The following CAST variants were observed in gnomAD, a reference collection of about 807,000 sequenced individuals.
The protein encoded by CAST is MIR583 host.
A neutral mutation model predicts 119.6 loss-of-function variants in CAST; 76 were observed. The observed-to-expected ratio is 0.64, with a 90% CI of 0.53 to 0.77. The LOEUF (loss-of-function observed/expected upper bound fraction) is 0.77, where lower values mean the gene tolerates loss of function less well. CAST is among the 30% of genes least tolerant of loss of function. CAST has a pLI of 0.00. For missense variants in CAST, 953 were observed against 946.5 expected, an observed-to-expected ratio of 1.01 and a Z score of -0.09; for synonymous variants, 319 against 331.6, an observed-to-expected ratio of 0.96 and a Z score of 0.41.
chr5:96,740,192 A>G (rs1762399245), intron 12 of CAST, 74 bp downstream of exon 12: 2 of 720,220 alleles, frequency 2.8e-6, no homozygotes, highest in South Asian at 1.8e-5. Context: ...ATATTTTTAC[A>G]GTGTTTAGAA....
the CAST span, among the ~76,000 whole-genome samples, chr5:96,221,517 C>CA: frequency 6.6e-6 from 1 of 151,628 alleles, no homozygotes; most frequent in East Asian, 1.9e-4. Context: ...CAACAGCTGA[C>CA]AAAAAATAAA....
intron 1 of CAST, 83 bp from the exon 2 acceptor site, chr5:96,675,456 T>C: frequency 2.2e-6 from 2 of 916,102 alleles, no homozygotes; most frequent in Admixed American, 1.9e-5. Context: ...TAAAAAAGGG[T>C]ATGCATTTAG....
intron 3 of CAST, among the ~76,000 whole-genome samples, chr5:96,721,754 T>C (rs1758301166): frequency 6.6e-6 from 1 of 152,200 alleles, no homozygotes; most frequent in African/African-American, 2.4e-5. Flanking sequence ...ACCAGTGTAA[T>C]ACAAGTTAAG....
At chr5:96,147,706 A>G in the CAST span, among the ~76,000 whole-genome samples, 1 of 152,248 alleles carries the variant, frequency 6.6e-6, no homozygotes, top group Admixed American at 6.5e-5. Context: ...GTTCTATTGA[A>G]GACTGATTAA....
At chr5:96,227,855 G>A in the CAST span, among the ~76,000 whole-genome samples, 5 of 152,134 alleles carry the variant, frequency 3.3e-5, no homozygotes, top group Admixed American at 3.3e-4. Context: ...TATCAGACAA[G>A]GGGTGGCAAC....
At chr5:96,151,922 C>T in the CAST span, among the ~76,000 whole-genome samples, 1 of 152,150 alleles carries the variant, frequency 6.6e-6, no homozygotes, top group Non-Finnish European at 1.5e-5. Flanking sequence ...CTCCCAGTAA[C>T]CCCAGAGAAC....
intron 3 of CAST, among the ~76,000 whole-genome samples, chr5:96,706,245 G>A (rs960163833): frequency 4.3e-4 from 66 of 152,194 alleles, no homozygotes; most frequent in African/African-American, 1.6e-3. Context: ...ATATCTCTTT[G>A]TGCTTTGGCT....
At chr5:96,330,856 G>A in the CAST span, among the ~76,000 whole-genome samples, 1 of 152,146 alleles carries the variant, frequency 6.6e-6, no homozygotes, top group South Asian at 2.1e-4. Context: ...GGACCCTGGA[G>A]TGACTTCGGG....
At chr5:96,532,591 T>A (rs1424757095) in intron 1 of CAST, among the ~76,000 whole-genome samples, 1 of 152,186 alleles carries the variant, frequency 6.6e-6, no homozygotes, top group African/African-American at 2.4e-5. Context: ...GGCCCACACC[T>A]GGAATCTCAG....
the CAST span, among the ~76,000 whole-genome samples, chr5:96,481,299 G>A: frequency 1.3e-5 from 2 of 152,058 alleles, no homozygotes; most frequent in Admixed American, 6.6e-5. Flanking sequence ...CCATGTCACA[G>A]GTAGCTCTTG....
At chr5:96,047,397 T>C in the CAST span, among the ~76,000 whole-genome samples, 1 of 152,210 alleles carries the variant, frequency 6.6e-6, no homozygotes, top group Non-Finnish European at 1.5e-5. Flanking sequence ...GTGTTTGTTT[T>C]TAAACAAAGT....
the CAST span, among the ~76,000 whole-genome samples, chr5:96,057,252 G>C: frequency 4.6e-5 from 7 of 152,176 alleles, no homozygotes; most frequent in Admixed American, 1.3e-4. Context: ...CTTAAAATAT[G>C]TTAGGAGGCA....
intron 1 of CAST, among the ~76,000 whole-genome samples, chr5:96,668,319 T>C (rs1432067680): frequency 6.6e-6 from 1 of 152,244 alleles, no homozygotes; most frequent in African/African-American, 2.4e-5. Flanking sequence ...GAATAATATA[T>C]AATACACAGT....
chr5:96,562,605 AT>A (rs1746401482), intron 1 of CAST, among the ~76,000 whole-genome samples: 2 of 152,172 alleles, frequency 1.3e-5, no homozygotes, highest in Non-Finnish European at 2.9e-5. Flanking sequence ...TACACACACT[AT>A]TTTACTCAGC....
At chr5:96,603,138 G>A (rs553915143) in intron 1 of CAST, among the ~76,000 whole-genome samples, 37 of 152,328 alleles carry the variant, frequency 2.4e-4, no homozygotes, top group Non-Finnish European at 2.8e-4. Flanking sequence ...CTTTTGGTTT[G>A]TCAACCTAAA....
the CAST span, among the ~76,000 whole-genome samples, chr5:96,358,394 G>C: frequency 1.3e-5 from 2 of 151,956 alleles, no homozygotes; most frequent in African/African-American, 4.8e-5. Flanking sequence ...GCTGGTTCTT[G>C]CTCCTTTAGT....
chr5:96,211,197 T>C, the CAST span, among the ~76,000 whole-genome samples: 1 of 151,974 alleles, frequency 6.6e-6, no homozygotes, highest in Non-Finnish European at 1.5e-5. Flanking sequence ...CTTCCAGTAA[T>C]ATGGGTGAGT....
chr5:95,994,879 C>G, the CAST span, among the ~76,000 whole-genome samples: 1 of 152,024 alleles, frequency 6.6e-6, no homozygotes, highest in Non-Finnish European at 1.5e-5. Flanking sequence ...CACATTTTAA[C>G]AAGCAGAAAG....
rs897811622 is a variant in CAST at position 96,670,508 on chromosome 5, C to CT, written c.76-5023dup. Among the ~76,000 whole-genome samples, 43 of 150,600 alleles carry CT rather than the reference C, an allele frequency of 2.9e-4. 1 individual carries two copies. Among genetic ancestry groups the CT allele is most frequent in the African/African-American group, 9.8e-5 (4 of 40,928 alleles). On this transcript the variant is annotated intron_variant, in intron 1 of 31. Transcript: ENST00000675179. ...GAAGAAGTTTCTTTGATTTTTTTTT[C>CT]TTTTTTTTGTGATGGAGTTTTGCTC... is the stretch of plus-strand genomic sequence containing the variant.
Sources: gnomAD v4.1 joint callset for allele counts (sites outside exome capture counted in the v4.1 genomes callset) on GRCh38, gnomAD v4.1.1 for gene constraint, MANE v1.5 for transcripts, NCBI Gene and HGNC (gene_info 2026-07-23, HGNC 2026-07-21) for gene names.